The following SLC28A1 variants were observed in gnomAD, a reference collection of about 807,000 sequenced individuals.
The protein encoded by SLC28A1 is solute carrier family 28 member 1, also known as sodium/nucleoside cotransporter 1.
SLC28A1 carries 64 observed loss-of-function variants against 74.8 expected under a neutral mutation model. The ratio of observed to expected loss-of-function variants is 0.86; its 90% CI spans 0.70 to 1.05. The LOEUF (loss-of-function observed/expected upper bound fraction) is 1.05. Ranked by LOEUF, SLC28A1 falls within the 50% of genes least tolerant of loss-of-function variation. The pLI is 0.00. For synonymous variants in SLC28A1, 359 were observed against 335.0 expected, an observed-to-expected ratio of 1.07 and a Z score of -0.78; for missense variants, 828 against 822.8, an observed-to-expected ratio of 1.01 and a Z score of -0.08.
chr15:84,945,133 C>T lies in SLC28A1; in HGVS notation c.1883C>T (p.Pro628Leu), dbSNP rs935944217. The change falls in exon 19 of 19, where the codon CCA (proline) becomes CTA (leucine). Residue 628 changes from proline to leucine, a missense_variant. Around this residue, in one of 3 missense-constraint regions of SLC28A1, gnomAD observed 53 missense variants for 44.5 expected, o/e 1.19. Coordinates refer to ENST00000394573, the MANE Select transcript of SLC28A1 (RefSeq NM_004213.5). ...CCREAFQSVN[P>L]EFSPEALDNC... is the part of the protein sequence containing the mutation. ...CTTTGCTTTCTTTTTAGCGTCAATCCAGAGTTCAGCCCAGAGGCCCTGGAC... is the reference window on the plus strand; with the variant it reads ...CTTTGCTTTCTTTTTAGCGTCAATCTAGAGTTCAGCCCAGAGGCCCTGGAC... 4 of 1,613,928 alleles carry T rather than the reference C, an allele frequency of 2.5e-6. No individual in the cohort carries two copies. The highest frequency in any genetic ancestry group is 2.2e-5 in the South Asian group (2 of 91,080).
At chr15:84,933,503 A>G (rs1971546959) in intron 13 of SLC28A1, among the ~76,000 whole-genome samples, 1 of 152,184 alleles carries the variant, frequency 6.6e-6, no homozygotes, top group Non-Finnish European at 1.5e-5. Context: ...TTTATTTCTT[A>G]CAGTTATGGA....
intron 11 of SLC28A1, among the ~76,000 whole-genome samples, chr15:84,922,063 G>A (rs1386657984): frequency 6.6e-6 from 1 of 152,198 alleles, no homozygotes; most frequent in African/African-American, 2.4e-5. Flanking sequence ...CCCCAAGAGG[G>A]AGGGATGGGG....
At chr15:84,911,901 T>C (rs1280907488) in intron 9 of SLC28A1, among the ~76,000 whole-genome samples, 1 of 146,596 alleles carries the variant, frequency 6.8e-6, no homozygotes, top group Non-Finnish European at 1.5e-5. Context: ...AAAATAAAAA[T>C]GTATCAGTGG....
intron 15 of SLC28A1, among the ~76,000 whole-genome samples, chr15:84,939,965 A>G (rs753627907): frequency 8.5e-5 from 13 of 152,108 alleles, no homozygotes; most frequent in Non-Finnish European, 1.6e-4. Flanking sequence ...CTGGGATTAC[A>G]GACGTGTGCC....
intron 13 of SLC28A1, 116 bp from the exon 14 acceptor site, chr15:84,934,910 T>G: frequency 1.1e-6 from 1 of 903,540 alleles, no homozygotes; most frequent in Non-Finnish European, 1.8e-6. Context: ...TCAGGGAAAA[T>G]TAGGATTTCC....
At chr15:84,955,629 C>A in the SLC28A1 span, among the ~76,000 whole-genome samples, 1 of 152,202 alleles carries the variant, frequency 6.6e-6, no homozygotes, top group African/African-American at 2.4e-5. Context: ...AGCTGGGATC[C>A]CTGGCTGCGA....
intron 4 of SLC28A1, among the ~76,000 whole-genome samples, chr15:84,889,671 TC>T: frequency 9.7e-6 from 1 of 103,106 alleles, no homozygotes; most frequent in South Asian, 3.6e-4. Flanking sequence ...TTTCCTTCCT[TC>T]CTTCTTTCCT....
At chr15:84,922,968 GCT>G (rs920381935) in intron 11 of SLC28A1, among the ~76,000 whole-genome samples, 25 of 152,276 alleles carry the variant, frequency 1.6e-4, no homozygotes, top group African/African-American at 5.8e-4. Flanking sequence ...ATGGAGTCTC[GCT>G]CTGTCACCTA....
At chr15:84,905,111 C>G (rs1245496776) in intron 7 of SLC28A1, among the ~76,000 whole-genome samples, 1 of 152,110 alleles carries the variant, frequency 6.6e-6, no homozygotes. Context: ...GGGGTCGAGG[C>G]GGCTGGGAGT....
At chr15:84,964,989 C>G in the SLC28A1 span, among the ~76,000 whole-genome samples, 1 of 152,158 alleles carries the variant, frequency 6.6e-6, no homozygotes, top group Non-Finnish European at 1.5e-5. Flanking sequence ...TTTGAAGATC[C>G]TCAGTATGGA....
At chr15:84,886,228 A>G in intron 1 of SLC28A1, 1 of 985,398 alleles carries the variant, frequency 1.0e-6, no homozygotes. Flanking sequence ...TCTCACAGCT[A>G]CACTGCTTTC....
Position 84,888,832 on chromosome 15 carries a change from G to T in SLC28A1, c.157G>T (p.Glu53Ter). 6.4e-7 allele frequency: 1 copy of T among 1,553,848 alleles called. No individual in the cohort carries two copies. The highest frequency in any genetic ancestry group is 1.2e-5 in the South Asian group (1 of 84,152). Reference sequence around the variant, plus strand: ...CGCAGAGATCAGGAGCAGCTGGAGCGAGGCGGCGCCGAAGCCCTTCTCCAG... The same window carrying T: ...CGCAGAGATCAGGAGCAGCTGGAGCTAGGCGGCGCCGAAGCCCTTCTCCAG... ...SPAEIRSSWS[E>*]AAPKPFSRWR... Residue 53 changes from glutamate (E) to a stop codon, truncating the protein, a stop_gained, in exon 4 of 19, where the codon GAG becomes TAG. Coordinates refer to ENST00000394573, the MANE Select transcript of SLC28A1 (RefSeq NM_004213.5). LOFTEE classifies it high-confidence loss of function.
chr15:84,969,489 G>T, the SLC28A1 span, among the ~76,000 whole-genome samples: 1 of 151,488 alleles, frequency 6.6e-6, no homozygotes, highest in Non-Finnish European at 1.5e-5. Context: ...CACCATTGCT[G>T]CCAGGTCTGG....
chr15:84,948,814 A>G (rs2142085418), downstream of SLC28A1, among the ~76,000 whole-genome samples: 1 of 152,322 alleles, frequency 6.6e-6, no homozygotes, highest in African/African-American at 2.4e-5. Context: ...TCATCAAGAT[A>G]ATAACCTCAC....
chr15:84,963,779 G>C, the SLC28A1 span, among the ~76,000 whole-genome samples: 12 of 152,218 alleles, frequency 7.9e-5, no homozygotes, highest in Admixed American at 2.0e-4. Context: ...CAAAGTGCCA[G>C]CTCCTCATCA....
chr15:84,908,794 A>G lies in SLC28A1; in HGVS notation c.794A>G (p.Gln265Arg). Residue 265 changes from glutamine to arginine, a missense_variant and splice_region_variant, in exon 9 of 19, where the codon CAG (glutamine) becomes CGG (arginine). Physicochemically the swap from Gln to Arg is conservative, Grantham distance 43 (BLOSUM62 1). Around this residue, in one of 3 missense-constraint regions of SLC28A1, gnomAD observed 767 missense variants for 753.5 expected, o/e 1.02. Coordinates refer to ENST00000394573, the MANE Select transcript of SLC28A1 (RefSeq NM_004213.5). ...EALVKDVFAFQVLPIIVFFSC... is the reference protein window; with the variant it reads ...EALVKDVFAFRVLPIIVFFSC... Reference sequence around the variant, plus strand: ...CTGGTCAAGGATGTCTTTGCCTTTCAGGTCAGCTTGACTCAGGGTCCCAGA... The same window carrying G: ...CTGGTCAAGGATGTCTTTGCCTTTCGGGTCAGCTTGACTCAGGGTCCCAGA... The G allele has an allele frequency of 6.2e-7, 1 of 1,613,250 alleles. No homozygotes were observed. Among genetic ancestry groups the G allele is most frequent in the Non-Finnish European group, 8.5e-7 (1 of 1,179,720 alleles).
intron 4 of SLC28A1, 128 bp downstream of exon 4, chr15:84,888,988 G>C (rs2141628304): frequency 1.4e-6 from 1 of 709,376 alleles, no homozygotes; most frequent in East Asian, 2.7e-5. Context: ...GAGGAATAAA[G>C]GCGCTTTAGC....
chr15:84,931,586 A>G lies in SLC28A1; in HGVS notation c.1084-1559A>G, dbSNP rs1380735304. The stretch of plus-strand genomic sequence containing the variant: ...AGAATGGTGTGAACCTGGGAGGTAG[A>G]GTTTGCAGTGAGCCAAGATGGCGCC... On this transcript the variant is annotated intron_variant, in intron 12 of 18. Coordinates refer to ENST00000394573, the MANE Select transcript of SLC28A1 (RefSeq NM_004213.5). Among the ~76,000 whole-genome samples, 5 of 134,058 alleles carry G rather than the reference A, an allele frequency of 3.7e-5. No individual in the cohort carries two copies. The Admixed American group carries it at 3.9e-4, about 10-fold the overall frequency. 87.9% of individuals were successfully genotyped at this position (134,058 alleles called of 152,430 possible). A position where few individuals can be genotyped will look rare whatever the true frequency, so the allele number is the denominator to read the frequency against.
chr15:84,944,714 T>C (rs1409831869), intron 17 of SLC28A1, 42 bp from the exon 18 acceptor site: 2 of 1,497,074 alleles, frequency 1.3e-6, no homozygotes, highest in Non-Finnish European at 1.8e-6. Flanking sequence ...ACTTTCTGGC[T>C]AGCCCGGGGG....
Sources: gnomAD v4.1 joint callset for allele counts (sites outside exome capture counted in the v4.1 genomes callset) on GRCh38, gnomAD v4.1.1 for gene constraint, gnomAD v4.1.1 regional missense constraint, MANE v1.5 for transcripts, NCBI Gene and HGNC (gene_info 2026-07-23, HGNC 2026-07-21) for gene names.